G2E3: variants seen among roughly 807,000 people sequenced by gnomAD.
G2E3 encodes G2/M phase-specific E3 ubiquitin-protein ligase.
A neutral mutation model predicts 92.8 loss-of-function variants in G2E3; 35 were observed. The observed-to-expected ratio is 0.38, with a 90% confidence interval of 0.29 to 0.50. The LOEUF is 0.50. Among genes scored for constraint, G2E3 ranks in the 20% least tolerant of loss-of-function variants. The pLI is 0.94. For missense variants in G2E3, 554 were observed against 823.8 expected (o/e 0.67, Z 4.01); for synonymous variants, 242 against 272.4 (o/e 0.89, Z 1.10).
At chr14:30,572,006 A>G (rs1393098848) in intron 1 of G2E3, among the ~76,000 whole-genome samples, 1 of 151,000 alleles carries the variant, frequency 6.6e-6, no homozygotes, top group African/African-American at 2.4e-5. Context: ...CATCTTAACA[A>G]TATTACGCCC....
intron 8 of G2E3, among the ~76,000 whole-genome samples, chr14:30,600,967 A>G (rs1038169121): frequency 6.6e-6 from 1 of 152,228 alleles, no homozygotes; most frequent in African/African-American, 2.4e-5. Flanking sequence ...ATAAGCACTT[A>G]GGTTAGCTGT....
chr14:30,594,618 G>A (rs970499438), intron 6 of G2E3, among the ~76,000 whole-genome samples: 6 of 151,902 alleles, frequency 3.9e-5, no homozygotes, highest in Non-Finnish European at 5.9e-5. Flanking sequence ...GCATGAACCC[G>A]GAAGACGGAG....
At chr14:30,572,894 A>G (rs767224902) in intron 1 of G2E3, among the ~76,000 whole-genome samples, 1 of 152,116 alleles carries the variant, frequency 6.6e-6, no homozygotes, top group Non-Finnish European at 1.5e-5. Context: ...ACATGAAGGA[A>G]AGTCTAAACT....
Position 30,612,341 on chromosome 14 carries a change from C to T in G2E3, c.1635C>T (p.Gly545=). The change falls in exon 13 of 15, where the codon GGC becomes GGT. Residue 545 remains glycine, a synonymous_variant. Coordinates refer to ENST00000206595, the MANE Select transcript of G2E3 (RefSeq NM_017769.5). ...DKYMLVKDIL[G]YHVIQRVHTP... ...ATATGTTAGTAAAAGACATACTTGG[C>T]TACCATGTAATTCAGAGAGTCCACA... 1 of 1,607,264 alleles carries T rather than the reference C, an allele frequency of 6.2e-7. No individual in the cohort carries two copies. Among genetic ancestry groups the T allele is most frequent in the South Asian group, 1.1e-5 (1 of 90,042 alleles).
At chr14:30,583,682 G>C (rs1260133724) in intron 2 of G2E3, among the ~76,000 whole-genome samples, 1 of 152,208 alleles carries the variant, frequency 6.6e-6, no homozygotes, top group Non-Finnish European at 1.5e-5. Context: ...TGGTAAATAT[G>C]TGAAGTAATG....
chr14:30,583,257 G>T (rs1316667780), intron 2 of G2E3, among the ~76,000 whole-genome samples: 1 of 152,146 alleles, frequency 6.6e-6, no homozygotes, highest in African/African-American at 2.4e-5. Context: ...TAACAGAAAA[G>T]ATTAGTTATT....
intron 2 of G2E3, 41 bp downstream of exon 2, chr14:30,581,157 T>A (rs760368944): frequency 9.3e-7 from 1 of 1,080,836 alleles, no homozygotes; most frequent in East Asian, 2.4e-5. Context: ...ACAATGAGTG[T>A]TTTAAATATG....
intron 1 of G2E3, among the ~76,000 whole-genome samples, chr14:30,578,474 A>C (rs568450148): frequency 2.0e-4 from 31 of 152,312 alleles, no homozygotes; most frequent in African/African-American, 7.5e-4. Flanking sequence ...CGCCAGTGAG[A>C]GAGAGTGCAA....
chr14:30,594,186 T>C (rs1444262939), intron 6 of G2E3, among the ~76,000 whole-genome samples: 2 of 152,196 alleles, frequency 1.3e-5, no homozygotes, highest in Non-Finnish European at 2.9e-5. Context: ...TGATAAGACA[T>C]AACATTAGAC....
chr14:30,597,808 ATAAAT>A (rs1281331362), intron 7 of G2E3, among the ~76,000 whole-genome samples: 1 of 152,248 alleles, frequency 6.6e-6, no homozygotes, highest in East Asian at 1.9e-4. Flanking sequence ...TTCAAAATGT[ATAAAT>A]TAAGAGAATC....
chr14:30,592,601 G>A (rs1258050608), intron 5 of G2E3, among the ~76,000 whole-genome samples, 154 bp downstream of exon 5: 1 of 145,346 alleles, frequency 6.9e-6, no homozygotes, highest in Non-Finnish European at 1.5e-5. Flanking sequence ...CACCCTTATG[G>A]GGTCATTTCT....
chr14:30,593,341 A>G (rs1446010300), intron 5 of G2E3, 133 bp from the exon 6 acceptor site: 1 of 545,102 alleles, frequency 1.8e-6, no homozygotes, highest in Non-Finnish European at 3.2e-6. Context: ...TTTTAGTGCC[A>G]AGGCTCCAGT....
chr14:30,560,706 T>A (rs79044385), intron 1 of G2E3: 17 of 652,324 alleles, frequency 2.6e-5, no homozygotes, highest in South Asian at 3.3e-5. Flanking sequence ...CTTAAATCAG[T>A]GAGTTTCAGA....
rs181395903 is a variant in G2E3 at position 30,590,594 on chromosome 14, A to G, written c.237+1110A>G. 2.8e-3 allele frequency: 1,276 copies of G among 449,622 alleles called. 36 individuals are homozygous for G. The Admixed American group carries it at 0.029, about 10-fold the overall frequency. 27.9% of individuals were successfully genotyped at this position (449,622 alleles called of 1,614,324 possible). On this transcript the variant is annotated intron_variant, in intron 4 of 14. Transcript: ENST00000206595. ...ATTCAAGAAGGTCTACAAGGGAAGC[A>G]CATAAGAAACATTTATTCTTTTAGT...
intron 1 of G2E3, among the ~76,000 whole-genome samples, chr14:30,564,528 A>G (rs1879316142): frequency 6.6e-6 from 1 of 152,126 alleles, no homozygotes; most frequent in Non-Finnish European, 1.5e-5. Flanking sequence ...GAGACAGGAT[A>G]TCACCATGTT....
chr14:30,590,129 A>G (rs1033166046), intron 4 of G2E3, among the ~76,000 whole-genome samples: 2 of 152,152 alleles, frequency 1.3e-5, no homozygotes, highest in African/African-American at 4.8e-5. Context: ...AAATAATGAG[A>G]AAGAATGAGA....
intron 1 of G2E3, among the ~76,000 whole-genome samples, chr14:30,578,341 A>T (rs1880233142): frequency 6.6e-6 from 1 of 152,218 alleles, no homozygotes; most frequent in South Asian, 2.1e-4. Context: ...TATATCCTTT[A>T]TCTAGATTCA....
intron 1 of G2E3, among the ~76,000 whole-genome samples, chr14:30,571,630 G>A (rs569063036): frequency 8.6e-5 from 13 of 151,816 alleles, no homozygotes; most frequent in Non-Finnish European, 1.2e-4. Context: ...CCCACCCTCC[G>A]CCCAAAGCAT....
chr14:30,574,068 C>T (rs1017940719), intron 1 of G2E3, among the ~76,000 whole-genome samples: 1 of 152,114 alleles, frequency 6.6e-6, no homozygotes, highest in African/African-American at 2.4e-5. Flanking sequence ...TATGCCCTTA[C>T]CTAGATTAAC....
Sources: allele counts gnomAD v4.1 joint callset (sites outside exome capture counted in the v4.1 genomes callset), GRCh38; gene constraint gnomAD v4.1.1; transcripts MANE v1.5; gene names NCBI Gene and HGNC (gene_info 2026-07-23, HGNC 2026-07-21).